Variants in ARHGEF17 observed in about 807,000 individuals in gnomAD.
ARHGEF17 encodes the protein 164 kDa Rho-specific guanine-nucleotide exchange factor.
In ARHGEF17, 80 loss-of-function variants were observed where a neutral mutation model predicts 174.0. That is an observed-to-expected ratio of 0.46 (90% CI 0.38 to 0.55). The LOEUF is 0.55. Ranked by LOEUF, ARHGEF17 falls within the 20% of genes least tolerant of loss-of-function variation. ARHGEF17 has a pLI of 0.00. For synonymous variants in ARHGEF17, 1,311 were observed against 1,189.1 expected (o/e 1.10, Z -2.11); for missense variants, 2,886 against 2,839.7 (o/e 1.02, Z -0.37).
At chr11:73,332,571 C>A (rs1229263494) in intron 1 of ARHGEF17, among the ~76,000 whole-genome samples, 1 of 152,152 alleles carries the variant, frequency 6.6e-6, no homozygotes, top group Non-Finnish European at 1.5e-5. Flanking sequence ...GTTTTCCCTG[C>A]TGTGGAAAAG....
chr11:73,341,427 C>T (rs974404946), intron 1 of ARHGEF17, among the ~76,000 whole-genome samples: 1 of 152,190 alleles, frequency 6.6e-6, no homozygotes, highest in Admixed American at 6.5e-5. Context: ...CTGCCTCAGC[C>T]TCCCGAGTAG....
chr11:73,319,354 G>A (rs190950001), intron 1 of ARHGEF17, among the ~76,000 whole-genome samples: 54 of 152,106 alleles, frequency 3.6e-4, no homozygotes, highest in African/African-American at 1.2e-3. Flanking sequence ...GAGCCACTGC[G>A]CCCGGCCTCC....
At chr11:73,345,746 C>T (rs1865449916) in intron 1 of ARHGEF17, among the ~76,000 whole-genome samples, 1 of 152,192 alleles carries the variant, frequency 6.6e-6, no homozygotes, top group Non-Finnish European at 1.5e-5. Context: ...TCCACAGATG[C>T]TCAGGCCAAG....
rs1344899664 is a variant in ARHGEF17, at chr11:73,309,004, C to T, written c.366C>T (p.Ala122=). 2.1e-6 allele frequency: 3 copies of T among 1,399,310 alleles called. No individual in the cohort carries two copies. The highest frequency in any genetic ancestry group is 1.5e-5 in the South Asian group (1 of 65,554). The allele number at this position is 1,399,310 out of a possible 1,614,324, so 86.7% of individuals were successfully genotyped here. A position where few individuals can be genotyped will look rare whatever the true frequency, so the allele number is the denominator to read the frequency against. ...EEAAEGPARG[A]WPSVTEMRKL... ...CGGCCGAGGGCCCAGCGCGAGGAGC[C>T]TGGCCCAGCGTCACCGAGATGCGCA... The change falls in exon 1 of 21, where the codon GCC becomes GCT. Residue 122 remains alanine (A), a synonymous_variant. Coordinates refer to ENST00000263674, the MANE Select transcript of ARHGEF17 (RefSeq NM_014786.4).
In ARHGEF17 at chr11:73,311,529, C is replaced by T. The variant is rs777989954; in HGVS notation, c.2891C>T (p.Ala964Val). 2.5e-6 allele frequency: 4 copies of T among 1,613,534 alleles called. No homozygotes were observed. The South Asian group carries it at 4.4e-5, about 18-fold the overall frequency. Residue 964 changes from alanine (A) to valine (V), a missense_variant, in exon 1 of 21, where the codon GCC (alanine) becomes GTC (valine). Transcript: ENST00000263674. ...CACGTTCGCCATGCCAGTGTGCCCG[C>T]CACATTTATGCCTATTGTGGTGCCT... is the stretch of plus-strand genomic sequence containing the variant. ...SRHVRHASVP[A>V]TFMPIVVPEP...
chr11:73,350,690 G>T (rs930267684), intron 2 of ARHGEF17, among the ~76,000 whole-genome samples: 1 of 152,156 alleles, frequency 6.6e-6, no homozygotes, highest in African/African-American at 2.4e-5. Context: ...CTTCCTCAGT[G>T]TCACCCTCAC....
At chr11:73,354,331 G>A (rs946582308) in intron 3 of ARHGEF17, among the ~76,000 whole-genome samples, 1 of 152,224 alleles carries the variant, frequency 6.6e-6, no homozygotes, top group Non-Finnish European at 1.5e-5. Context: ...GTCCCAGGGT[G>A]GGGGTGGTTG....
At position 73,362,517 on chromosome 11, in the gene ARHGEF17, C is replaced by T. The variant is rs57661356; in HGVS notation, c.4779C>T (p.Asp1593=). The T allele has an allele frequency of 2.4e-3, 3,836 of 1,604,902 alleles. 92 individuals are homozygous for T. In the African/African-American group the frequency reaches 0.046, roughly 19 times the overall value. ...GPELDVEAAA[D]EEAATLAEPG... The stretch of plus-strand genomic sequence containing the variant: ...AGCTGGACGTCGAGGCCGCTGCAGA[C>T]GAGGAAGCCGCGACGCTCGCGGAGC... The change falls in exon 14 of 21, where the codon GAC becomes GAT. Residue 1593 remains aspartate, a synonymous_variant. Coordinates refer to ENST00000263674, the MANE Select transcript of ARHGEF17 (RefSeq NM_014786.4).
rs1402895825 is a variant in ARHGEF17 at position 73,368,132 on chromosome 11, G to A, written c.*352G>A. On this transcript the variant is annotated 3_prime_UTR_variant, in exon 21 of 21. Transcript: ENST00000263674. The stretch of plus-strand genomic sequence containing the variant: ...GCAATATTTGGAGGGTTTTCTGGAG[G>A]GCAGCAGGAAGGCTGGGGAATTCCC... 10 of 234,620 alleles carry A rather than the reference G, an allele frequency of 4.3e-5. No individual in the cohort carries two copies. Among genetic ancestry groups the A allele is most frequent in the Admixed American group, 1.6e-4 (3 of 18,854 alleles). 14.5% of individuals were successfully genotyped at this position (234,620 alleles called of 1,614,324 possible).
At chr11:73,346,854 CT>C (rs746043155) in intron 1 of ARHGEF17, 28 bp from the exon 2 acceptor site, 3 of 1,437,944 alleles carry the variant, frequency 2.1e-6, no homozygotes, top group South Asian at 1.5e-5. Flanking sequence ...AAAAAGACCC[CT>C]GTTCACCCTC....
intron 9 of ARHGEF17, among the ~76,000 whole-genome samples, chr11:73,358,254 A>G (rs533090788): frequency 1.5e-3 from 232 of 152,258 alleles, no homozygotes; most frequent in Non-Finnish European, 2.0e-3. Context: ...AACAAGAGGA[A>G]TGTATTGCTC....
chr11:73,347,624 A>G (rs1865485826), intron 2 of ARHGEF17, among the ~76,000 whole-genome samples: 1 of 152,200 alleles, frequency 6.6e-6, no homozygotes, highest in Admixed American at 6.5e-5. Flanking sequence ...CTGGTCCCAT[A>G]GCTATGCTGT....
At chr11:73,324,704 G>A (rs568512854) in intron 1 of ARHGEF17, among the ~76,000 whole-genome samples, 1 of 152,248 alleles carries the variant, frequency 6.6e-6, no homozygotes. Flanking sequence ...TTTCAGGACT[G>A]CCTGAGTTGG....
chr11:73,315,746 T>TGG (rs1357444196), intron 1 of ARHGEF17, among the ~76,000 whole-genome samples: 1 of 152,120 alleles, frequency 6.6e-6, no homozygotes, highest in Non-Finnish European at 1.5e-5. Flanking sequence ...CCTGGGCTCT[T>TGG]GGGGGGAACA....
In ARHGEF17 at chr11:73,362,156, G is replaced by A. The variant is rs369670623; in HGVS notation, c.4611G>A (p.Pro1537=). The stretch of plus-strand genomic sequence containing the variant: ...GCCTGCTGAGCCTGCGCGCCGAGCC[G>A]GACGTGGAGGCCTGCATCGCCGTCT... The part of the protein sequence containing the change: ...QVCLLSLRAE[P]DVEACIAVCS... The change falls in exon 13 of 21, where the codon CCG becomes CCA. Residue 1537 remains proline, a synonymous_variant. Coordinates refer to ENST00000263674, the MANE Select transcript of ARHGEF17 (RefSeq NM_014786.4). 145 of 1,603,834 alleles carry A rather than the reference G, an allele frequency of 9.0e-5. 1 individual carries two copies. In the African/African-American group the frequency reaches 1.6e-3, roughly 18 times the overall value.
chr11:73,366,207 G>C (rs1423972351), intron 20 of ARHGEF17, among the ~76,000 whole-genome samples: 2 of 152,084 alleles, frequency 1.3e-5, no homozygotes, highest in Non-Finnish European at 2.9e-5. Context: ...GACAGGGAGG[G>C]AACTATAACC....
intron 1 of ARHGEF17, among the ~76,000 whole-genome samples, chr11:73,323,810 C>T (rs1443859485): frequency 6.6e-6 from 1 of 152,268 alleles, no homozygotes; most frequent in Non-Finnish European, 1.5e-5. Flanking sequence ...GTGGGCCCGG[C>T]CTGCCCCATC....
At chr11:73,324,630 T>G (rs1354925293) in intron 1 of ARHGEF17, among the ~76,000 whole-genome samples, 2 of 152,178 alleles carry the variant, frequency 1.3e-5, no homozygotes, top group Non-Finnish European at 2.9e-5. Context: ...ACCAGGATAG[T>G]CTCACTGGGT....
intron 20 of ARHGEF17, 120 bp downstream of exon 20, chr11:73,366,067 C>T: frequency 7.6e-7 from 1 of 1,315,144 alleles, no homozygotes; most frequent in Non-Finnish European, 1.0e-6. Flanking sequence ...CTGGAGGTGG[C>T]ATATGTGACA....
Sources: gnomAD v4.1 joint callset for allele counts (sites outside exome capture counted in the v4.1 genomes callset) on GRCh38, gnomAD v4.1.1 for gene constraint, MANE v1.5 for transcripts, NCBI Gene and HGNC (gene_info 2026-07-23, HGNC 2026-07-21) for gene names.